Variants in RDX observed in about 807,000 individuals in gnomAD.
RDX encodes the protein deafness, autosomal recessive 24.
Under a neutral mutation model 83.7 loss-of-function variants are expected in RDX, and 32 were observed. The ratio of observed to expected loss-of-function variants is 0.38; its 90% CI spans 0.29 to 0.51. The LOEUF (loss-of-function observed/expected upper bound fraction) is 0.51, where lower values mean the gene tolerates loss of function less well. RDX is among the 20% of genes least tolerant of loss of function. RDX has a pLI of 0.87. For synonymous variants in RDX, 229 were observed against 222.7 expected (o/e 1.03, Z -0.25); for missense variants, 600 against 689.9 (o/e 0.87, Z 1.46).
chr11:110,291,041 T>C (rs769821308), intron 1 of RDX, among the ~76,000 whole-genome samples: 13 of 152,220 alleles, frequency 8.5e-5, no homozygotes, highest in Non-Finnish European at 1.3e-4. Flanking sequence ...GTAATATAGA[T>C]GAATAATGAA....
intron 15 of RDX, among the ~76,000 whole-genome samples, chr11:110,193,303 G>A (rs941090116): frequency 1.3e-5 from 2 of 152,110 alleles, no homozygotes; most frequent in African/African-American, 4.8e-5. Flanking sequence ...ACTTATAAGT[G>A]GGAGCTAAAC....
At chr11:110,191,259 G>C (rs1213215662) in intron 15 of RDX, among the ~76,000 whole-genome samples, 2 of 152,212 alleles carry the variant, frequency 1.3e-5, no homozygotes, top group Non-Finnish European at 2.9e-5. Context: ...TGGGATGCAA[G>C]GCTGGTTTAA....
At chr11:110,187,628 C>G (rs1054699857) in intron 15 of RDX, among the ~76,000 whole-genome samples, 1 of 152,220 alleles carries the variant, frequency 6.6e-6, no homozygotes, top group Non-Finnish European at 1.5e-5. Flanking sequence ...CTAGGCACAC[C>G]TCTGGGTGCT....
chr11:110,238,452 G>A (rs1864949614), intron 10 of RDX, among the ~76,000 whole-genome samples: 1 of 152,120 alleles, frequency 6.6e-6, no homozygotes, highest in Admixed American at 6.6e-5. Context: ...GAAGACAATA[G>A]AATGCCACCT....
chr11:110,237,399 A>C, intron 11 of RDX, 93 bp downstream of exon 11: 1 of 1,239,854 alleles, frequency 8.1e-7, no homozygotes, highest in Non-Finnish European at 1.1e-6. Flanking sequence ...CTCTCCAGAA[A>C]GCACAAAATG....
intron 12 of RDX, among the ~76,000 whole-genome samples, chr11:110,233,848 T>C (rs1475193481): frequency 2.0e-5 from 3 of 152,210 alleles, no homozygotes; most frequent in Non-Finnish European, 2.9e-5. Context: ...ACCCAATAGA[T>C]TTTATTTGAG....
intron 9 of RDX, among the ~76,000 whole-genome samples, chr11:110,250,606 T>C (rs560579372): frequency 5.3e-4 from 80 of 152,146 alleles, no homozygotes; most frequent in Non-Finnish European, 9.8e-4. Flanking sequence ...CCTATTGATG[T>C]TTCATTTGTT....
intron 10 of RDX, among the ~76,000 whole-genome samples, chr11:110,244,038 C>T (rs778261455): frequency 1.1e-4 from 17 of 151,978 alleles, no homozygotes; most frequent in Non-Finnish European, 2.4e-4. Flanking sequence ...ATATGAACAA[C>T]AAAAACCTAC....
intron 1 of RDX, among the ~76,000 whole-genome samples, chr11:110,287,945 T>G (rs749861806): frequency 2.0e-5 from 3 of 152,226 alleles, no homozygotes; most frequent in Non-Finnish European, 4.4e-5. Flanking sequence ...ACAAGTTCAT[T>G]CGAAACAATT....
At chr11:110,257,541 A>G (rs1013452072) in intron 7 of RDX, among the ~76,000 whole-genome samples, 4 of 152,202 alleles carry the variant, frequency 2.6e-5, no homozygotes, top group Admixed American at 2.6e-4. Context: ...ATAAAAGTCA[A>G]TCATCTCATT....
downstream of RDX, among the ~76,000 whole-genome samples, chr11:110,226,216 T>C (rs992494966): frequency 2.0e-5 from 3 of 152,158 alleles, no homozygotes; most frequent in African/African-American, 7.2e-5. Flanking sequence ...AGTCAAATGA[T>C]AGCGGTAATT....
chr11:110,222,028 T>C (rs1472749259), intron 14 of RDX, among the ~76,000 whole-genome samples: 2 of 152,210 alleles, frequency 1.3e-5, no homozygotes, highest in Non-Finnish European at 2.9e-5. Context: ...TGTCTATATA[T>C]GTCTTATTTC....
At chr11:110,250,151 T>A (rs1446186690) in intron 9 of RDX, among the ~76,000 whole-genome samples, 1 of 152,184 alleles carries the variant, frequency 6.6e-6, no homozygotes, top group African/African-American at 2.4e-5. Context: ...AAAGTTTGTG[T>A]TTCCCAATCT....
chr11:110,194,974 T>TG, intron 15 of RDX, among the ~76,000 whole-genome samples: 1 of 134,862 alleles, frequency 7.4e-6, no homozygotes, highest in Non-Finnish European at 1.6e-5. Flanking sequence ...TTTTTGGTTG[T>TG]TTTTTGTTTT....
At position 110,230,203 on chromosome 11, in the gene RDX, T is replaced by C. The variant is rs2134292961; in HGVS notation, c.*1666A>G. The C allele has an allele frequency of 6.6e-6, 1 of 152,272 alleles. No individual in the cohort carries two copies. The highest frequency in any genetic ancestry group is 2.4e-5 in the African/African-American group (1 of 41,576). The allele number at this position is 152,272 out of a possible 1,614,324, so 9.4% of individuals were successfully genotyped here. A position where few individuals can be genotyped will look rare whatever the true frequency, so the allele number is the denominator to read the frequency against. On this transcript the variant is annotated 3_prime_UTR_variant, in exon 14 of 14. Transcript: ENST00000645495. ...ATGTTTAATAAAATGGCAATTTTAA[T>C]AGATAAATGTAAATTTGACTGTGTA...
chr11:110,257,768 T>C lies in RDX; in HGVS notation c.697A>G (p.Lys233Glu). The C allele has an allele frequency of 6.2e-7, 1 of 1,611,698 alleles. No homozygotes were observed. The highest frequency in any genetic ancestry group is 1.1e-5 in the South Asian group (1 of 90,988). Reference protein sequence around the residue: ...LGLNIYEHDDKLTPKIGFPWS... With the variant: ...LGLNIYEHDDELTPKIGFPWS... ...TCACTATGCAACTAATTTACTTACT[T>C]GTCGTCATGCTCATAAATATTCAGA... Residue 233 changes from lysine (K) to glutamate (E), a missense_variant and splice_region_variant, in exon 7 of 14, where the codon AAG (lysine) becomes GAG (glutamate). Physicochemically the swap from Lys to Glu is moderately conservative, Grantham distance 56 (BLOSUM62 1). Transcript: ENST00000645495.
In RDX at chr11:110,276,224, T is replaced by C. The variant is rs572814694; in HGVS notation, c.12+3457A>G. On this transcript the variant is annotated intron_variant, in intron 2 of 13. Coordinates refer to ENST00000645495, the MANE Select transcript of RDX (RefSeq NM_002906.4). ...GTCCAATTTCATTTTTTAATCTCCA[T>C]ATGAATGAAAATAATACAGGGTTTT... Among the ~76,000 whole-genome samples the C allele has an allele frequency of 1.1e-4, 16 of 152,322 alleles. No homozygotes were observed. The South Asian group carries it at 3.1e-3, about 30-fold the overall frequency.
chr11:110,282,794 CACAG>C (rs1337483702), intron 1 of RDX, among the ~76,000 whole-genome samples: 1 of 152,124 alleles, frequency 6.6e-6, no homozygotes, highest in Non-Finnish European at 1.5e-5. Context: ...GCCTGGGTAA[CACAG>C]ACAGATTGTG....
At position 110,264,014 on chromosome 11, in the gene RDX, T is replaced by C. The variant is rs190296143; in HGVS notation, c.413A>G (p.Asn138Ser). The C allele has an allele frequency of 6.8e-6, 11 of 1,613,840 alleles. No individual in the cohort carries two copies. Among genetic ancestry groups the C allele is most frequent in the Admixed American group, 5.0e-5 (3 of 60,016 alleles). ...GTAGCCTGGCTTATGAATCTCTTTATTGTAATCTCCATACTTGGCTTGGAC... is the reference window on the plus strand; with the variant it reads ...GTAGCCTGGCTTATGAATCTCTTTACTGTAATCTCCATACTTGGCTTGGAC... ...YAVQAKYGDY[N>S]KEIHKPGYLA... Residue 138 changes from asparagine (N) to serine (S), a missense_variant, in exon 5 of 14, where the codon AAT (asparagine) becomes AGT (serine). By Grantham distance (46) the Asn-to-Ser change is conservative (BLOSUM62 1). Coordinates refer to ENST00000645495, the MANE Select transcript of RDX (RefSeq NM_002906.4).
Sources: allele counts gnomAD v4.1 joint callset (sites outside exome capture counted in the v4.1 genomes callset), GRCh38; gene constraint gnomAD v4.1.1; transcripts MANE v1.5; gene names NCBI Gene and HGNC (gene_info 2026-07-23, HGNC 2026-07-21).